Variants in POFUT3 observed in about 807,000 individuals in gnomAD.
The protein encoded by POFUT3 is GDP-fucose protein O-fucosyltransferase 3.
the POFUT3 span, chr8:33,455,884 G>A: frequency 5.6e-5 from 24 of 427,104 alleles, no homozygotes; most frequent in African/African-American, 1.8e-4. Context: ...GATTCTCAAC[G>A]GTATCCAAGG....
chr8:33,313,436 T>C, the POFUT3 span, among the ~76,000 whole-genome samples: 90 of 152,278 alleles, frequency 5.9e-4, no homozygotes, highest in African/African-American at 2.1e-3. Flanking sequence ...TCCACAATCA[T>C]AATCTTCGCC....
the POFUT3 span, among the ~76,000 whole-genome samples, chr8:33,311,148 C>T: frequency 6.6e-6 from 1 of 152,206 alleles, no homozygotes; most frequent in African/African-American, 2.4e-5. Context: ...TTTGCTATTA[C>T]ATCCTCAATA....
chr8:33,390,345 A>G, the POFUT3 span, among the ~76,000 whole-genome samples: 1 of 151,924 alleles, frequency 6.6e-6, no homozygotes, highest in Non-Finnish European at 1.5e-5. Flanking sequence ...CATTTTACGA[A>G]AAAGGAAACA....
chr8:33,342,722 C>T, the POFUT3 span, among the ~76,000 whole-genome samples: 1 of 152,230 alleles, frequency 6.6e-6, no homozygotes, highest in Non-Finnish European at 1.5e-5. Flanking sequence ...AGGAATGTTA[C>T]AGCCAAGCTA....
At chr8:33,465,040 A>G in the POFUT3 span, among the ~76,000 whole-genome samples, 13 of 152,178 alleles carry the variant, frequency 8.5e-5, no homozygotes, top group Non-Finnish European at 1.5e-4. Flanking sequence ...TACTTAATAT[A>G]AATTTAGACA....
the POFUT3 span, among the ~76,000 whole-genome samples, chr8:33,328,736 C>T: frequency 1.3e-5 from 2 of 152,124 alleles, no homozygotes; most frequent in Non-Finnish European, 2.9e-5. Context: ...AAACATGAAC[C>T]AATTGTCATG....
At chr8:33,432,200 T>G in the POFUT3 span, among the ~76,000 whole-genome samples, 725 of 151,836 alleles carry the variant, frequency 4.8e-3, 6 homozygotes, top group Admixed American at 8.5e-3. Flanking sequence ...ACATGAGGTC[T>G]GGAGTTCAAG....
chr8:33,421,517 C>G, the POFUT3 span, among the ~76,000 whole-genome samples: 2 of 152,036 alleles, frequency 1.3e-5, no homozygotes, highest in South Asian at 2.1e-4. Context: ...AATGGGAGGG[C>G]CTTGGAACCT....
chr8:33,324,984 C>A, the POFUT3 span, among the ~76,000 whole-genome samples: 1 of 152,136 alleles, frequency 6.6e-6, no homozygotes, highest in Non-Finnish European at 1.5e-5. Context: ...TTCTTCTAAC[C>A]TTCCTTCAAC....
At chr8:33,336,567 G>T in the POFUT3 span, among the ~76,000 whole-genome samples, 1 of 152,146 alleles carries the variant, frequency 6.6e-6, no homozygotes, top group African/African-American at 2.4e-5. Context: ...AAACCACTGG[G>T]TCTGTTGGAT....
the POFUT3 span, among the ~76,000 whole-genome samples, chr8:33,317,735 T>G: frequency 1.6e-4 from 25 of 152,200 alleles, no homozygotes; most frequent in East Asian, 4.8e-3. Context: ...AGTGTGGATG[T>G]TGGCCTTACT....
At chr8:33,320,314 G>A in the POFUT3 span, among the ~76,000 whole-genome samples, 1 of 152,038 alleles carries the variant, frequency 6.6e-6, no homozygotes, top group South Asian at 2.1e-4. Context: ...CAATGATAAT[G>A]AGATAATATT....
the POFUT3 span, among the ~76,000 whole-genome samples, chr8:33,382,554 G>A: frequency 4.6e-5 from 7 of 152,250 alleles, no homozygotes; most frequent in African/African-American, 1.7e-4. Flanking sequence ...GCAACTCAAC[G>A]TTCACTGCAG....
At chr8:33,415,666 T>A in the POFUT3 span, among the ~76,000 whole-genome samples, 3 of 152,128 alleles carry the variant, frequency 2.0e-5, no homozygotes, top group East Asian at 3.9e-4. Flanking sequence ...TAGAGAGAGA[T>A]CCTGAACTAT....
the POFUT3 span, among the ~76,000 whole-genome samples, chr8:33,337,491 G>T: frequency 6.6e-6 from 1 of 152,132 alleles, no homozygotes; most frequent in Admixed American, 6.5e-5. Context: ...AGCTGAAGAG[G>T]CAGGCAACTA....
the POFUT3 span, among the ~76,000 whole-genome samples, chr8:33,323,842 T>A: frequency 1.3e-5 from 2 of 152,196 alleles, no homozygotes; most frequent in African/African-American, 4.8e-5. Flanking sequence ...CTACATAAGA[T>A]GATGTAACTG....
chr8:33,404,493 C>T, the POFUT3 span, among the ~76,000 whole-genome samples: 6 of 152,308 alleles, frequency 3.9e-5, no homozygotes, highest in Middle Eastern at 6.8e-3. Flanking sequence ...AAGACTTCCC[C>T]ACCATGTGGA....
At chr8:33,394,697 T>C in the POFUT3 span, among the ~76,000 whole-genome samples, 2 of 152,100 alleles carry the variant, frequency 1.3e-5, no homozygotes, top group South Asian at 4.2e-4. Context: ...CATCTCCACC[T>C]TAATGGGTCA....
At chr8:33,316,003 G>A in the POFUT3 span, among the ~76,000 whole-genome samples, 527 of 152,144 alleles carry the variant, frequency 3.5e-3, 3 homozygotes, top group African/African-American at 0.012. Flanking sequence ...GCTGGGGAGT[G>A]GATTATCTTT....
Sources: allele counts gnomAD v4.1 joint callset (sites outside exome capture counted in the v4.1 genomes callset), GRCh38; gene constraint gnomAD v4.1.1; transcripts MANE v1.5; gene names NCBI Gene and HGNC (gene_info 2026-07-23, HGNC 2026-07-21).